Variants in CPNE4 observed in about 807,000 individuals in gnomAD.
The protein encoded by CPNE4 is copine 4.
A neutral mutation model predicts 67.9 loss-of-function variants in CPNE4; 25 were observed. That is an observed-to-expected ratio of 0.37 (90% CI 0.27 to 0.51). The LOEUF is 0.51. Among genes scored for constraint, CPNE4 ranks in the 20% least tolerant of loss-of-function variants. The pLI is 0.93. For missense variants in CPNE4, 464 were observed against 690.8 expected (o/e 0.67, Z 3.68); for synonymous variants, 242 against 244.9 (o/e 0.99, Z 0.11).
intron 2 of CPNE4, among the ~76,000 whole-genome samples, chr3:131,837,878 T>C (rs1222913266): frequency 1.3e-5 from 2 of 152,028 alleles, no homozygotes; most frequent in Non-Finnish European, 2.9e-5. Flanking sequence ...CTGTAATATA[T>C]TTTTAAGAGC....
intron 2 of CPNE4, among the ~76,000 whole-genome samples, chr3:131,859,860 C>G (rs952330888): frequency 6.6e-6 from 1 of 152,134 alleles, no homozygotes; most frequent in Admixed American, 6.5e-5. Flanking sequence ...CAAAGAGAGG[C>G]ATTCACCTTA....
rs114070868 is a variant in CPNE4, at chr3:131,719,497, T to A, written c.360+3949A>T. Among the ~76,000 whole-genome samples, 23 of 152,294 alleles carry A rather than the reference T, an allele frequency of 1.5e-4. 1 individual carries two copies. Among genetic ancestry groups the A allele is most frequent in the Admixed American group, 7.2e-4 (11 of 15,298 alleles). ...CCACACATTCCTTCTTTTGAAAGAT[T>A]AAGAAAATTAATCCAACACAACCCC... is the stretch of plus-strand genomic sequence containing the variant. On this transcript the variant is annotated intron_variant, in intron 3 of 15. Transcript: ENST00000429747.
At chr3:131,587,969 T>C (rs940298672) in intron 7 of CPNE4, among the ~76,000 whole-genome samples, 4 of 152,234 alleles carry the variant, frequency 2.6e-5, no homozygotes, top group Non-Finnish European at 5.9e-5. Flanking sequence ...CTGGTTTACA[T>C]TGGCATTAGG....
chr3:131,689,420 G>A (rs2107685684), intron 5 of CPNE4, among the ~76,000 whole-genome samples: 1 of 152,016 alleles, frequency 6.6e-6, no homozygotes, highest in South Asian at 2.1e-4. Context: ...TGGGAAGCAA[G>A]GTTGGTTCAA....
At chr3:131,717,895 T>TTTC (rs774920358) in intron 3 of CPNE4, among the ~76,000 whole-genome samples, 1 of 79,442 alleles carries the variant, frequency 1.3e-5, no homozygotes, top group Non-Finnish European at 3.4e-5. Context: ...TCTTTCTTTC[T>TTTC]TTCTTTCTTT....
At chr3:131,687,799 G>A (rs1000662491) in intron 5 of CPNE4, among the ~76,000 whole-genome samples, 4 of 152,180 alleles carry the variant, frequency 2.6e-5, no homozygotes, top group African/African-American at 9.7e-5. Context: ...TTGCTGGTAA[G>A]AAAAGTATAC....
chr3:131,901,668 G>A (rs1478384364), intron 2 of CPNE4, among the ~76,000 whole-genome samples: 1 of 151,968 alleles, frequency 6.6e-6, no homozygotes, highest in Non-Finnish European at 1.5e-5. Context: ...TTGCAGGCAG[G>A]GCTGGAAATG....
chr3:131,751,550 G>A (rs897394372), intron 2 of CPNE4, among the ~76,000 whole-genome samples: 1 of 147,456 alleles, frequency 6.8e-6, no homozygotes, highest in African/African-American at 2.5e-5. Flanking sequence ...TCTTTTAAGT[G>A]TATTAGTAAT....
intron 2 of CPNE4, among the ~76,000 whole-genome samples, chr3:131,818,332 C>T (rs975250214): frequency 6.6e-6 from 1 of 152,190 alleles, no homozygotes; most frequent in East Asian, 1.9e-4. Context: ...GCAGCAGAGA[C>T]ATCCAGTGGA....
intron 2 of CPNE4, among the ~76,000 whole-genome samples, chr3:131,756,400 T>A (rs2082751304): frequency 6.6e-6 from 1 of 152,218 alleles, no homozygotes; most frequent in Non-Finnish European, 1.5e-5. Context: ...GATAGATATC[T>A]CACTATCTAG....
intron 1 of CPNE4, among the ~76,000 whole-genome samples, chr3:131,953,431 G>C (rs1046693302): frequency 6.6e-6 from 1 of 151,916 alleles, no homozygotes; most frequent in African/African-American, 2.4e-5. Context: ...ATCATAAAAG[G>C]ATATTGAATT....
intron 7 of CPNE4, among the ~76,000 whole-genome samples, chr3:131,593,814 C>T (rs565733568): frequency 2.0e-5 from 3 of 152,118 alleles, no homozygotes; most frequent in South Asian, 2.1e-4. Flanking sequence ...TGGGTTCAAG[C>T]GATTCTCCTG....
chr3:131,784,671 A>G (rs1304022116), intron 2 of CPNE4, among the ~76,000 whole-genome samples: 3 of 152,126 alleles, frequency 2.0e-5, no homozygotes, highest in South Asian at 4.1e-4. Context: ...AGATGCCCAT[A>G]GTAGTAACAG....
intron 2 of CPNE4, among the ~76,000 whole-genome samples, chr3:131,727,188 C>T (rs142668639): frequency 1.3e-5 from 2 of 152,282 alleles, no homozygotes; most frequent in African/African-American, 4.8e-5. Context: ...AAAGTCTGGA[C>T]TACTTTCCTC....
intron 1 of CPNE4, among the ~76,000 whole-genome samples, chr3:132,030,185 C>A (rs2074207343): frequency 6.6e-6 from 1 of 152,212 alleles, no homozygotes; most frequent in South Asian, 2.1e-4. Context: ...AGATTGGCTC[C>A]ACTGCTGTAA....
At chr3:131,722,410 T>G (rs1441425330) in intron 3 of CPNE4, among the ~76,000 whole-genome samples, 3 of 152,018 alleles carry the variant, frequency 2.0e-5, no homozygotes, top group Admixed American at 6.6e-5. Flanking sequence ...GCATCTTGAT[T>G]CAGTCAGGGA....
chr3:131,970,449 C>T (rs1199897413), intron 1 of CPNE4, among the ~76,000 whole-genome samples: 3 of 152,190 alleles, frequency 2.0e-5, no homozygotes, highest in African/African-American at 7.2e-5. Context: ...ACATTTCCCT[C>T]TTGCATTTTT....
upstream of CPNE4, chr3:132,038,003 C>CTTT (rs35184182): frequency 4.4e-3 from 645 of 145,530 alleles, 3 homozygotes; most frequent in South Asian, 0.019. Flanking sequence ...TATTTTCTTT[C>CTTT]TTTTTTTTTT....
At chr3:131,622,018 C>CAAAAAAAA (rs34415771) in intron 7 of CPNE4, among the ~76,000 whole-genome samples, 2 of 58,036 alleles carry the variant, frequency 3.4e-5, no homozygotes, top group African/African-American at 5.3e-5. Context: ...GACCCTGTCT[C>CAAAAAAAA]AAAAAAAAAA....
Sources: gnomAD v4.1 joint callset for allele counts (sites outside exome capture counted in the v4.1 genomes callset) on GRCh38, gnomAD v4.1.1 for gene constraint, MANE v1.5 for transcripts, NCBI Gene and HGNC (gene_info 2026-07-23, HGNC 2026-07-21) for gene names.